Variants in WDFY4 observed in about 807,000 individuals in gnomAD.
WDFY4 encodes the protein WDFY family member 4, also known as WD repeat- and FYVE domain-containing protein 4.
WDFY4 carries 169 observed loss-of-function variants against 351.9 expected under a neutral mutation model. The ratio of observed to expected loss-of-function variants is 0.48; its 90% CI spans 0.42 to 0.55. The LOEUF is 0.55. Ranked by LOEUF, WDFY4 falls within the 20% of genes least tolerant of loss-of-function variation. The pLI is 0.00. For missense variants in WDFY4, 3,803 were observed against 3,935.6 expected (o/e 0.97, Z 0.90); for synonymous variants, 1,622 against 1,574.6 (o/e 1.03, Z -0.71).
Position 48,875,106 on chromosome 10 carries a change from T to C in WDFY4, c.6966T>C (p.Asn2322=). The change falls in exon 42 of 62, where the codon AAT becomes AAC. Residue 2322 remains asparagine, a synonymous_variant. Transcript: ENST00000325239. ...TATTTCAGGAAAGCCAAGACAAAAA[T>C]GATCATATTTCTCAAACAAATGCTG... ...SGRHKESQDK[N]DHISQTNAEN... 1 of 1,489,968 alleles carries C rather than the reference T, an allele frequency of 6.7e-7. No homozygotes were observed. Among genetic ancestry groups the C allele is most frequent in the Non-Finnish European group, 8.9e-7 (1 of 1,117,710 alleles). The allele number at this position is 1,489,968 out of a possible 1,614,324, so 92.3% of individuals were successfully genotyped here. A position where few individuals can be genotyped will look rare whatever the true frequency, so the allele number is the denominator to read the frequency against.
At chr10:48,979,550 AAT>A (rs1842718561) in intron 60 of WDFY4, 3 of 147,822 alleles carry the variant, frequency 2.0e-5, no homozygotes, top group Non-Finnish European at 3.0e-5. Context: ...TGGATGGGTA[AAT>A]GGATGGATGG....
At chr10:48,767,353 T>C (rs1248204848) in intron 13 of WDFY4, among the ~76,000 whole-genome samples, 1 of 152,242 alleles carries the variant, frequency 6.6e-6, no homozygotes, top group Non-Finnish European at 1.5e-5. Context: ...CCCTTCTAGC[T>C]CTGACAGTCT....
chr10:48,757,484 T>C (rs576468477), intron 12 of WDFY4, among the ~76,000 whole-genome samples: 1 of 152,224 alleles, frequency 6.6e-6, no homozygotes, highest in South Asian at 2.1e-4. Flanking sequence ...TTCTATCCTG[T>C]TACTTTTAAC....
chr10:48,844,859 A>G (rs2068723144), intron 39 of WDFY4, among the ~76,000 whole-genome samples: 2 of 152,230 alleles, frequency 1.3e-5, no homozygotes, highest in South Asian at 4.1e-4. Flanking sequence ...GCAGATGGCA[A>G]GCACATGGGA....
chr10:48,840,484 TTC>T (rs978924378), intron 39 of WDFY4, among the ~76,000 whole-genome samples: 96 of 145,282 alleles, frequency 6.6e-4, no homozygotes, highest in African/African-American at 1.2e-3. Flanking sequence ...CCCACTCTCT[TTC>T]TCTCTCTCTC....
intron 30 of WDFY4, among the ~76,000 whole-genome samples, 152 bp downstream of exon 30, chr10:48,811,860 C>T (rs558686330): frequency 6.6e-6 from 1 of 152,310 alleles, no homozygotes; most frequent in East Asian, 1.9e-4. Context: ...CAGCCCACAC[C>T]CTTGGCCAGC....
chr10:48,760,372 A>T lies in WDFY4; in HGVS notation c.2485A>T (p.Met829Leu). 6.4e-7 allele frequency: 1 copy of T among 1,551,624 alleles called. No individual in the cohort carries two copies. The highest frequency in any genetic ancestry group is 8.7e-7 in the Non-Finnish European group (1 of 1,146,966). The change falls in exon 13 of 62, where the codon ATG (methionine) becomes TTG (leucine). Residue 829 changes from methionine (M) to leucine (L), a missense_variant. Coordinates refer to ENST00000325239, the MANE Select transcript of WDFY4 (RefSeq NM_001394531.1). ...GATGGATGAGGGAGATGCTGCAATCATGCATCCCGGGGTCGTGTGCATCAT... is the reference window on the plus strand; with the variant it reads ...GATGGATGAGGGAGATGCTGCAATCTTGCATCCCGGGGTCGTGTGCATCAT... ...ERMDEGDAAI[M>L]HPGVVCIMVR...
chr10:48,770,040 C>T (rs999646121), intron 13 of WDFY4, among the ~76,000 whole-genome samples: 1 of 152,168 alleles, frequency 6.6e-6, no homozygotes, highest in African/African-American at 2.4e-5. Context: ...GGAGAAACCA[C>T]ACTGGTTTCC....
chr10:48,943,475 G>A, intron 49 of WDFY4, 26 bp downstream of exon 49: 1 of 1,548,810 alleles, frequency 6.5e-7, no homozygotes, highest in Non-Finnish European at 8.7e-7. Context: ...GGAAACCACA[G>A]CTGCCCTCAG....
chr10:48,703,123 A>G (rs1323541521), intron 1 of WDFY4, among the ~76,000 whole-genome samples: 1 of 152,254 alleles, frequency 6.6e-6, no homozygotes, highest in East Asian at 1.9e-4. Flanking sequence ...GGAAGAGGGA[A>G]GCAAGCACTA....
intron 1 of WDFY4, among the ~76,000 whole-genome samples, chr10:48,693,777 G>A (rs1457927490): frequency 2.6e-5 from 4 of 151,748 alleles, no homozygotes; most frequent in South Asian, 4.2e-4. Flanking sequence ...CTTCTCTTAG[G>A]TGAAAAGCAT....
chr10:48,941,041 C>G (rs1263951188), intron 47 of WDFY4, among the ~76,000 whole-genome samples: 1 of 152,160 alleles, frequency 6.6e-6, no homozygotes, highest in Non-Finnish European at 1.5e-5. Flanking sequence ...CAGCTACTCA[C>G]AGAAGTACCC....
At chr10:48,846,077 C>A (rs2068766364) in intron 39 of WDFY4, among the ~76,000 whole-genome samples, 1 of 152,224 alleles carries the variant, frequency 6.6e-6, no homozygotes, top group African/African-American at 2.4e-5. Context: ...TCTGAGCTGA[C>A]AATGTCATGC....
intron 47 of WDFY4, among the ~76,000 whole-genome samples, chr10:48,928,419 G>A (rs1222973168): frequency 6.7e-6 from 1 of 149,742 alleles, no homozygotes; most frequent in Non-Finnish European, 1.5e-5. Context: ...GGCACAGGAG[G>A]CAGCAGCATG....
Position 48,774,483 on chromosome 10 carries a change from T to C in WDFY4, c.2579T>C (p.Leu860Pro). ...PQLSEEIQCS[L>P]ASHIQSLVKS... The stretch of plus-strand genomic sequence containing the variant: ...CTTTCCGAGGAGATCCAGTGCTCCC[T>C]GGCCAGTCATATCCAGTCCCTGGTG... Residue 860 changes from leucine (L) to proline (P), a missense_variant, in exon 14 of 62, where the codon CTG (leucine) becomes CCG (proline). Leu to Pro is a moderately conservative substitution (Grantham distance 98). Coordinates refer to ENST00000325239, the MANE Select transcript of WDFY4 (RefSeq NM_001394531.1). The C allele has an allele frequency of 6.4e-7, 1 of 1,551,754 alleles. No individual in the cohort carries two copies. The highest frequency in any genetic ancestry group is 8.7e-7 in the Non-Finnish European group (1 of 1,147,008).
chr10:48,749,131 A>G (rs553634086), intron 12 of WDFY4, among the ~76,000 whole-genome samples: 1 of 152,298 alleles, frequency 6.6e-6, no homozygotes, highest in African/African-American at 2.4e-5. Flanking sequence ...AGCTTTTTAC[A>G]ATGGACTATT....
At chr10:48,920,577 C>G (rs546408985) in intron 47 of WDFY4, among the ~76,000 whole-genome samples, 3 of 152,102 alleles carry the variant, frequency 2.0e-5, no homozygotes, top group African/African-American at 7.2e-5. Flanking sequence ...TCGTGAAGGA[C>G]AGAAGGTTCT....
intron 43 of WDFY4, among the ~76,000 whole-genome samples, chr10:48,887,648 G>C (rs2070518447): frequency 6.6e-6 from 1 of 152,182 alleles, no homozygotes; most frequent in East Asian, 1.9e-4. Context: ...GCGTGGTGGT[G>C]GGTGCCTGTA....
chr10:48,826,027 G>T (rs1287567463), intron 35 of WDFY4, among the ~76,000 whole-genome samples: 1 of 152,068 alleles, frequency 6.6e-6, no homozygotes, highest in Non-Finnish European at 1.5e-5. Flanking sequence ...TGAAATCTTT[G>T]CCTATGCCTA....
Sources: gnomAD v4.1 joint callset for allele counts (sites outside exome capture counted in the v4.1 genomes callset) on GRCh38, gnomAD v4.1.1 for gene constraint, MANE v1.5 for transcripts, NCBI Gene and HGNC (gene_info 2026-07-23, HGNC 2026-07-21) for gene names.